The following LRIG2 variants were observed in gnomAD, a reference collection of about 807,000 sequenced individuals.
LRIG2 encodes leucine-rich repeats and immunoglobulin-like domains protein 2.
Under a neutral mutation model 107.8 loss-of-function variants are expected in LRIG2, and 93 were observed. That is an observed-to-expected ratio of 0.86 (90% CI 0.73 to 1.03). LRIG2 has a LOEUF of 1.03. LRIG2 is among the 50% of genes least tolerant of loss of function. The pLI, the probability that LRIG2 is intolerant of heterozygous loss-of-function variation, is 0.00. For missense variants in LRIG2, 1,226 were observed against 1,296.0 expected, an observed-to-expected ratio of 0.95 and a Z score of 0.83; for synonymous variants, 471 against 470.6, an observed-to-expected ratio of 1.00 and a Z score of -0.01.
Position 113,079,161 on chromosome 1 carries a change from G to A in LRIG2, c.239+5516G>A, listed in dbSNP as rs562484609. ...GGAGTTCAAGATTAGGCTGGGCAAC[G>A]TGGCAAAACCCACTGTCTGTCAAAA... is the stretch of plus-strand genomic sequence containing the variant. On this transcript the variant is annotated intron_variant, in intron 1 of 17. Transcript: ENST00000361127. Among the ~76,000 whole-genome samples, 7 of 151,792 alleles carry A rather than the reference G, an allele frequency of 4.6e-5. No homozygotes were observed. In the East Asian group the frequency reaches 5.8e-4, roughly 13 times the overall value.
At chr1:113,121,305 C>A (rs10494148) in intron 17 of LRIG2, among the ~76,000 whole-genome samples, 17,490 of 152,220 alleles carry the variant, frequency 0.11, 1,115 homozygotes, top group Admixed American at 0.17. Flanking sequence ...ATAGATTAGG[C>A]ATTTGATAAC....
intron 1 of LRIG2, among the ~76,000 whole-genome samples, chr1:113,078,051 C>T (rs1346959030): frequency 6.6e-6 from 1 of 151,988 alleles, no homozygotes; most frequent in African/African-American, 2.4e-5. Context: ...CATGTCCCTT[C>T]AAAGGATATG....
intron 2 of LRIG2, 77 bp from the exon 3 acceptor site, chr1:113,093,127 ATG>A: frequency 1.2e-6 from 1 of 845,670 alleles, no homozygotes; most frequent in Non-Finnish European, 1.9e-6. Context: ...TCTAAAGAAT[ATG>A]TGTTAGCCAG....
chr1:113,073,775 C>G, intron 1 of LRIG2, 130 bp downstream of exon 1: 11 of 838,228 alleles, frequency 1.3e-5, no homozygotes, highest in Non-Finnish European at 2.0e-5. Flanking sequence ...AAACTGCCGT[C>G]AGGATTTTAT....
intron 15 of LRIG2, among the ~76,000 whole-genome samples, chr1:113,116,081 T>C (rs577076373): frequency 1.3e-5 from 2 of 152,228 alleles, no homozygotes; most frequent in Admixed American, 6.5e-5. Context: ...TAGGTTTTGT[T>C]TCTTTCAATG....
chr1:113,076,497 G>A (rs1652990220), intron 1 of LRIG2, among the ~76,000 whole-genome samples: 1 of 152,154 alleles, frequency 6.6e-6, no homozygotes, highest in South Asian at 2.1e-4. Context: ...ATGACTTAGA[G>A]AACAATTCAG....
At chr1:113,106,237 AAAAG>A (rs1044270726) in intron 11 of LRIG2, among the ~76,000 whole-genome samples, 2 of 152,130 alleles carry the variant, frequency 1.3e-5, no homozygotes, top group Non-Finnish European at 2.9e-5. Flanking sequence ...CAAAAAAAAA[AAAAG>A]AGTTAAAATT....
At chr1:113,109,088 G>GT (rs1164034450) in intron 12 of LRIG2, among the ~76,000 whole-genome samples, 3 of 152,138 alleles carry the variant, frequency 2.0e-5, no homozygotes, top group South Asian at 2.1e-4. Context: ...TACATCCATT[G>GT]TTTTTTACAA....
At chr1:113,084,389 A>C (rs1039744880) in intron 1 of LRIG2, among the ~76,000 whole-genome samples, 1 of 151,438 alleles carries the variant, frequency 6.6e-6, no homozygotes, top group Non-Finnish European at 1.5e-5. Context: ...CTGATTTTTT[A>C]TATTTTTAGT....
At chr1:113,106,933 C>A (rs1570757075) in intron 11 of LRIG2, among the ~76,000 whole-genome samples, 1 of 152,102 alleles carries the variant, frequency 6.6e-6, no homozygotes, top group Non-Finnish European at 1.5e-5. Flanking sequence ...AAAATTTAAA[C>A]CTCAAAAATT....
chr1:113,084,512 G>T (rs1653458756), intron 1 of LRIG2, among the ~76,000 whole-genome samples: 1 of 152,092 alleles, frequency 6.6e-6, no homozygotes, highest in Non-Finnish European at 1.5e-5. Context: ...ACCGCGCCCG[G>T]CATACTTAAT....
At chr1:113,081,670 G>A (rs1023496744) in intron 1 of LRIG2, among the ~76,000 whole-genome samples, 3 of 151,948 alleles carry the variant, frequency 2.0e-5, no homozygotes, top group African/African-American at 4.8e-5. Flanking sequence ...ACAGGCACCC[G>A]CCACGAGGCC....
chr1:113,109,290 C>G (rs1267188615), intron 12 of LRIG2, among the ~76,000 whole-genome samples: 40 of 152,212 alleles, frequency 2.6e-4, no homozygotes, highest in Admixed American at 2.5e-3. Context: ...CTGCTTCTCT[C>G]AATCAGTCCA....
At chr1:113,105,332 T>G (rs1431155851) in intron 11 of LRIG2, among the ~76,000 whole-genome samples, 3 of 152,164 alleles carry the variant, frequency 2.0e-5, no homozygotes, top group African/African-American at 7.2e-5. Flanking sequence ...TGTGGATAGA[T>G]TATACTAAAA....
At position 113,127,381 on chromosome 1, in the gene LRIG2, C is replaced by CTTTTTTTT. The variant is rs33992650; in HGVS notation, c.*3294_*3301dup. 1 of 102,246 alleles carries CTTTTTTTT rather than the reference C, an allele frequency of 9.8e-6. No homozygotes were observed. The highest frequency in any genetic ancestry group is 1.0e-4 in the Admixed American group (1 of 9,584). The allele number at this position is 102,246 out of a possible 1,614,324, so 6.3% of individuals were successfully genotyped here. A position where few individuals can be genotyped will look rare whatever the true frequency, so the allele number is the denominator to read the frequency against. On this transcript the variant is annotated 3_prime_UTR_variant, in exon 18 of 18. Transcript: ENST00000361127. ...ATTACAGGCACACCACCATTTCCAG[C>CTTTTTTTT]TTTTTTTTTTTTTTTTTTTTTGATA...
intron 6 of LRIG2, among the ~76,000 whole-genome samples, chr1:113,095,266 C>T (rs954433565): frequency 1.2e-4 from 18 of 151,892 alleles, no homozygotes; most frequent in African/African-American, 3.4e-4. Flanking sequence ...CCACCGTGCC[C>T]GGCCAAAAAG....
At chr1:113,110,030 A>T (rs1654703856) in intron 12 of LRIG2, among the ~76,000 whole-genome samples, 1 of 152,216 alleles carries the variant, frequency 6.6e-6, no homozygotes, top group South Asian at 2.1e-4. Context: ...TCTGCCACTG[A>T]CTGACATGTC....
Position 113,129,439 on chromosome 1 carries a change from T to A in LRIG2, c.*5338T>A, listed in dbSNP as rs1181663482. 6.6e-6 allele frequency: 1 copy of A among 152,030 alleles called. No homozygotes were observed. Among genetic ancestry groups the A allele is most frequent in the Admixed American group, 6.6e-5 (1 of 15,246 alleles). 9.4% of individuals were successfully genotyped at this position (152,030 alleles called of 1,614,324 possible). A position where few individuals can be genotyped will look rare whatever the true frequency, so the allele number is the denominator to read the frequency against. ...TCATTTTCCATTGTGTCAACTCAGA[T>A]GGTTGAGATGTCCTTAGATATTCCT... On this transcript the variant is annotated 3_prime_UTR_variant, in exon 18 of 18. Transcript: ENST00000361127.
Position 113,131,802 on chromosome 1 carries a change from T to TTGTGTGTGTGTGTG in LRIG2, c.*7730_*7743dup, listed in dbSNP as rs56809946. ...GGTTTTGTCAGTAGTAAGGTAGGTTTTGTGTGTGTGTGTGTGTGTGTGTGT... is the reference window on the plus strand; with the variant it reads ...GGTTTTGTCAGTAGTAAGGTAGGTTTTGTGTGTGTGTGTGTGTGTGTGTGTGTGTGTGTGTGTGT... On this transcript the variant is annotated 3_prime_UTR_variant, in exon 18 of 18. Transcript: ENST00000361127. 2.0e-5 allele frequency: 3 copies of TTGTGTGTGTGTGTG among 147,832 alleles called. No homozygotes were observed. Among genetic ancestry groups the TTGTGTGTGTGTGTG allele is most frequent in the African/African-American group, 7.5e-5 (3 of 39,858 alleles). 9.2% of individuals were successfully genotyped at this position (147,832 alleles called of 1,614,324 possible). A position where few individuals can be genotyped will look rare whatever the true frequency, so the allele number is the denominator to read the frequency against.
Sources: allele counts gnomAD v4.1 joint callset (sites outside exome capture counted in the v4.1 genomes callset), GRCh38; gene constraint gnomAD v4.1.1; transcripts MANE v1.5; gene names NCBI Gene and HGNC (gene_info 2026-07-23, HGNC 2026-07-21).